EDIL3: variants seen among roughly 807,000 people sequenced by gnomAD.
The protein encoded by EDIL3 is EGF like and discoidin domains 3.
EDIL3 carries 37 observed loss-of-function variants against 67.4 expected under a neutral mutation model. The ratio of observed to expected loss-of-function variants is 0.55; its 90% CI spans 0.42 to 0.72. The LOEUF is 0.72. EDIL3 is among the 30% of genes least tolerant of loss of function. The pLI, the probability that EDIL3 is intolerant of heterozygous loss-of-function variation, is 0.00. For missense variants in EDIL3, 527 were observed against 586.3 expected (o/e 0.90, Z 1.04); for synonymous variants, 195 against 196.3 (o/e 0.99, Z 0.05).
At chr5:84,384,185 C>G in intron 1 of EDIL3, 123 bp downstream of exon 1, 1 of 1,253,140 alleles carries the variant, frequency 8.0e-7, no homozygotes, top group Non-Finnish European at 1.1e-6. Context: ...GCCTCCTCCG[C>G]GCCGCCAGCG....
chr5:84,296,324 G>A (rs1351067333), intron 1 of EDIL3, among the ~76,000 whole-genome samples: 1 of 152,092 alleles, frequency 6.6e-6, no homozygotes, highest in Non-Finnish European at 1.5e-5. Context: ...TTCAATTTTA[G>A]ATAGGTATTT....
intron 3 of EDIL3, among the ~76,000 whole-genome samples, chr5:84,184,984 G>C (rs892655537): frequency 6.6e-6 from 1 of 152,062 alleles, no homozygotes; most frequent in African/African-American, 2.4e-5. Flanking sequence ...AAAGCAAAAG[G>C]GCCAAAGATT....
chr5:84,013,843 G>A (rs867579524), intron 9 of EDIL3, among the ~76,000 whole-genome samples: 34 of 152,222 alleles, frequency 2.2e-4, no homozygotes, highest in South Asian at 6.2e-4. Context: ...AATTAACAAA[G>A]TACCAAAATA....
At chr5:83,958,440 G>A (rs577847266) in intron 10 of EDIL3, among the ~76,000 whole-genome samples, 33 of 151,618 alleles carry the variant, frequency 2.2e-4, no homozygotes, top group Non-Finnish European at 3.7e-4. Context: ...GACCAAGAAA[G>A]TATTATTGGA....
intron 3 of EDIL3, among the ~76,000 whole-genome samples, chr5:84,209,895 CA>C (rs1446559441): frequency 6.6e-6 from 1 of 152,040 alleles, no homozygotes; most frequent in Non-Finnish European, 1.5e-5. Context: ...GATGATTTCC[CA>C]GGGGTCATTT....
At chr5:84,101,947 A>T (rs1188105655) in intron 6 of EDIL3, among the ~76,000 whole-genome samples, 1 of 152,118 alleles carries the variant, frequency 6.6e-6, no homozygotes, top group African/African-American at 2.4e-5. Flanking sequence ...TGAATCCAAT[A>T]GCACAACTAA....
chr5:83,970,529 C>A (rs1398455568), intron 9 of EDIL3, among the ~76,000 whole-genome samples: 1 of 147,832 alleles, frequency 6.8e-6, no homozygotes, highest in Non-Finnish European at 1.5e-5. Context: ...TTGATTAGAT[C>A]AGTTAAATCT....
chr5:84,025,582 A>C (rs1282800426), intron 9 of EDIL3, among the ~76,000 whole-genome samples: 1 of 152,190 alleles, frequency 6.6e-6, no homozygotes, highest in Non-Finnish European at 1.5e-5. Context: ...TTCCCAACCC[A>C]GTCTGTGGAA....
intron 6 of EDIL3, among the ~76,000 whole-genome samples, chr5:84,099,818 T>G (rs1308710574): frequency 6.6e-6 from 1 of 152,082 alleles, no homozygotes; most frequent in African/African-American, 2.4e-5. Context: ...AGAACATTTT[T>G]GCAATCTATC....
chr5:84,185,688 T>C (rs577809903), intron 3 of EDIL3, among the ~76,000 whole-genome samples: 15 of 152,146 alleles, frequency 9.9e-5, no homozygotes, highest in Admixed American at 2.0e-4. Context: ...TTTCTACACC[T>C]TTCAAGCTTC....
intron 1 of EDIL3, among the ~76,000 whole-genome samples, chr5:84,344,654 G>A (rs1403471736): frequency 6.6e-6 from 1 of 151,962 alleles, no homozygotes; most frequent in Non-Finnish European, 1.5e-5. Flanking sequence ...AATGTAATAT[G>A]TCATTAATGT....
chr5:84,308,230 C>A (rs1490803644), intron 1 of EDIL3, among the ~76,000 whole-genome samples: 2 of 151,822 alleles, frequency 1.3e-5, no homozygotes, highest in Non-Finnish European at 2.9e-5. Flanking sequence ...GTCTTTATTA[C>A]AAATAAATTA....
chr5:83,999,811 G>T (rs1170404581), intron 9 of EDIL3, among the ~76,000 whole-genome samples: 3 of 151,888 alleles, frequency 2.0e-5, no homozygotes, highest in African/African-American at 7.3e-5. Context: ...ACACCAAACA[G>T]ATTGAAACCA....
intron 3 of EDIL3, among the ~76,000 whole-genome samples, chr5:84,203,486 G>C (rs554703372): frequency 6.6e-6 from 1 of 152,074 alleles, no homozygotes; most frequent in Non-Finnish European, 1.5e-5. Flanking sequence ...TGAATCTCAG[G>C]GCTGATGTTG....
intron 2 of EDIL3, among the ~76,000 whole-genome samples, chr5:84,252,077 G>C (rs1745033340): frequency 6.6e-6 from 1 of 152,100 alleles, no homozygotes; most frequent in African/African-American, 2.4e-5. Context: ...GAACTAGGTG[G>C]GATATGGCAG....
At chr5:84,171,672 C>T (rs993485993) in intron 4 of EDIL3, among the ~76,000 whole-genome samples, 6 of 152,058 alleles carry the variant, frequency 3.9e-5, no homozygotes, top group African/African-American at 7.2e-5. Context: ...ATAACCTATC[C>T]CAAGCTTGGT....
At chr5:83,987,076 G>C (rs1246396869) in intron 9 of EDIL3, among the ~76,000 whole-genome samples, 1 of 152,152 alleles carries the variant, frequency 6.6e-6, no homozygotes, top group Non-Finnish European at 1.5e-5. Flanking sequence ...TACTCCACTT[G>C]AGCAAATCCT....
chr5:84,384,109 C>A (rs888023145), intron 1 of EDIL3, among the ~76,000 whole-genome samples, 199 bp downstream of exon 1: 1 of 152,130 alleles, frequency 6.6e-6, no homozygotes, highest in Non-Finnish European at 1.5e-5. Flanking sequence ...CACCCTTCTC[C>A]CCGCTCGGCC....
intron 1 of EDIL3, among the ~76,000 whole-genome samples, chr5:84,372,129 T>G (rs1413339356): frequency 6.6e-6 from 1 of 152,120 alleles, no homozygotes; most frequent in Non-Finnish European, 1.5e-5. Flanking sequence ...TCCTTGGAAT[T>G]CTCTTGAGTT....
Sources: allele counts gnomAD v4.1 joint callset (sites outside exome capture counted in the v4.1 genomes callset), GRCh38; gene constraint gnomAD v4.1.1; transcripts MANE v1.5; gene names NCBI Gene and HGNC (gene_info 2026-07-23, HGNC 2026-07-21).